The following UGT1A5 variants were observed in gnomAD, a reference collection of about 807,000 sequenced individuals.
UGT1A5 encodes the protein UDP-glucuronosyltransferase 1A5.
In UGT1A5, 29 loss-of-function variants were observed where a neutral mutation model predicts 40.3. The ratio of observed to expected loss-of-function variants is 0.72; its 90% CI spans 0.54 to 0.98. The LOEUF is 0.98. Ranked by LOEUF, UGT1A5 falls within the 50% of genes least tolerant of loss-of-function variation. UGT1A5 has a pLI of 0.00. For synonymous variants in UGT1A5, 257 were observed against 262.5 expected (o/e 0.98, Z 0.20); for missense variants, 678 against 677.9 (o/e 1.00, Z 0.00).
chr2:233,735,745 A>T lies in UGT1A5; in HGVS notation c.867+21887A>T, dbSNP rs1416726513. Among the ~76,000 whole-genome samples, 5 of 152,186 alleles carry T rather than the reference A, an allele frequency of 3.3e-5. No individual in the cohort carries two copies. The East Asian group carries it at 9.6e-4, about 29-fold the overall frequency. ...CTCAGCATTTGCTTGTCTATAAAGG[A>T]TTTTATTTCTCCTTCACTTATGAAG... On this transcript the variant is annotated intron_variant, in intron 1 of 4. Coordinates refer to ENST00000373414, the MANE Select transcript of UGT1A5 (RefSeq NM_019078.2).
chr2:233,755,882 G>A (rs1696054394), intron 1 of UGT1A5: 2 of 152,208 alleles, frequency 1.3e-5, no homozygotes, highest in Non-Finnish European at 2.9e-5. Context: ...ACCTTTTTAT[G>A]TAACTTTTTT....
intron 1 of UGT1A5, chr2:233,719,069 A>G (rs774814247): frequency 7.4e-6 from 12 of 1,614,284 alleles, no homozygotes; most frequent in South Asian, 1.1e-5. Flanking sequence ...ATGCTGTTCC[A>G]TGGACCCAGA....
intron 1 of UGT1A5, among the ~76,000 whole-genome samples, chr2:233,759,591 C>G (rs984696431): frequency 2.0e-5 from 3 of 147,100 alleles, no homozygotes; most frequent in East Asian, 2.0e-4. Flanking sequence ...GCACGCCCCC[C>G]ACCCCCGACC....
chr2:233,760,469 C>A (rs1273237448), intron 1 of UGT1A5: 1 of 1,614,210 alleles, frequency 6.2e-7, no homozygotes, highest in South Asian at 1.1e-5. Context: ...GTTGTCCTAG[C>A]ACCTGACGCC....
In UGT1A5 at chr2:233,772,467, T is replaced by G; in HGVS notation, c.1513T>G (p.Phe505Val). The G allele has an allele frequency of 6.8e-6, 11 of 1,614,156 alleles. No individual in the cohort carries two copies. The highest frequency in any genetic ancestry group is 9.3e-6 in the Non-Finnish European group (11 of 1,180,034). Residue 505 changes from phenylalanine (F) to valine (V), a missense_variant, in exon 5 of 5, where the codon TTC becomes GTC. Coordinates refer to ENST00000373414, the MANE Select transcript of UGT1A5 (RefSeq NM_019078.2). Reference sequence around the variant, plus strand: ...CTTGGCCGTCGTGCTGACAGTGGCCTTCATCACCTTTAAATGTTGTGCTTA... The same window carrying G: ...CTTGGCCGTCGTGCTGACAGTGGCCGTCATCACCTTTAAATGTTGTGCTTA... ...FLLAVVLTVA[F>V]ITFKCCAYGY...
Position 233,713,303 on chromosome 2 carries a change from A to T in UGT1A5, c.312A>T (p.Glu104Asp), listed in dbSNP as rs1470676063. The change falls in exon 1 of 5, where the codon GAA becomes GAT. Residue 104 changes from glutamate to aspartate, a missense_variant. Coordinates refer to ENST00000373414, the MANE Select transcript of UGT1A5 (RefSeq NM_019078.2). The stretch of plus-strand genomic sequence containing the variant: ...ACACTCAATCGTTCTTTGAAACAGA[A>T]CATCTTCTGATGAAATTTTCTAGAA... ...LGHTQSFFET[E>D]HLLMKFSRRM... is the part of the protein sequence containing the mutation. The T allele has an allele frequency of 6.2e-7, 1 of 1,614,224 alleles. No homozygotes were observed. The highest frequency in any genetic ancestry group is 1.1e-5 in the South Asian group (1 of 91,080).
chr2:233,745,571 G>A (rs1471928952), intron 1 of UGT1A5, among the ~76,000 whole-genome samples: 1 of 151,668 alleles, frequency 6.6e-6, no homozygotes, highest in African/African-American at 2.4e-5. Flanking sequence ...ATAGCCTCTA[G>A]TGACATAACC....
intron 1 of UGT1A5, among the ~76,000 whole-genome samples, chr2:233,752,750 C>CAA (rs1695052572): frequency 6.6e-6 from 1 of 151,980 alleles, no homozygotes; most frequent in Non-Finnish European, 1.5e-5. Context: ...GTCTCTAAAA[C>CAA]AAACAAACAA....
chr2:233,717,209 C>T (rs555628633), intron 1 of UGT1A5, among the ~76,000 whole-genome samples: 6 of 152,284 alleles, frequency 3.9e-5, no homozygotes, highest in South Asian at 4.2e-4. Flanking sequence ...ACCCTCACCC[C>T]GGGCTCATCA....
chr2:233,748,611 A>G (rs1693987516), intron 1 of UGT1A5, among the ~76,000 whole-genome samples: 1 of 151,804 alleles, frequency 6.6e-6, no homozygotes, highest in Non-Finnish European at 1.5e-5. Context: ...AGAGCAACGA[A>G]CGTGGGATAT....
intron 1 of UGT1A5, chr2:233,721,930 C>A: frequency 2.6e-6 from 1 of 377,680 alleles, no homozygotes; most frequent in Non-Finnish European, 5.3e-6. Context: ...AAGTGACATC[C>A]TTCAGACACT....
At chr2:233,765,664 CA>C (rs970582402) in intron 1 of UGT1A5, among the ~76,000 whole-genome samples, 2 of 151,540 alleles carry the variant, frequency 1.3e-5, no homozygotes, top group African/African-American at 4.9e-5. Context: ...AGCAAACCAC[CA>C]TGGCATATGT....
rs536544989 is a variant in UGT1A5 at position 233,747,339 on chromosome 2, C to T, written c.868-19695C>T. 4.1e-5 allele frequency: 65 copies of T among 1,603,348 alleles called. 1 individual carries two copies. The highest frequency in any genetic ancestry group is 5.4e-5 in the African/African-American group (4 of 74,450). ...TACCCATTGATGGCAGCCACTGGCT[C>T]GCATGCGGGAGGCCGTGCGGGAGCT... On this transcript the variant is annotated intron_variant, in intron 1 of 4. Transcript: ENST00000373414.
At chr2:233,735,317 G>A (rs1343074609) in intron 1 of UGT1A5, among the ~76,000 whole-genome samples, 2 of 152,024 alleles carry the variant, frequency 1.3e-5, no homozygotes, top group African/African-American at 2.4e-5. Flanking sequence ...TTTTATCAGA[G>A]ACTAGGATTG....
Position 233,747,808 on chromosome 2 carries a change from C to T in UGT1A5, c.868-19226C>T, listed in dbSNP as rs1432471540. On this transcript the variant is annotated intron_variant, in intron 1 of 4. Coordinates refer to ENST00000373414, the MANE Select transcript of UGT1A5 (RefSeq NM_019078.2). ...TCCTCCTATATTCCTAAGTTACTAA[C>T]GACCAATTCAGACCACATGACATTC... 6.0e-5 allele frequency: 96 copies of T among 1,613,386 alleles called. No individual in the cohort carries two copies. In the South Asian group the frequency reaches 8.3e-4, roughly 14 times the overall value.
chr2:233,743,876 G>A (rs1382161508), intron 1 of UGT1A5: 2 of 1,367,016 alleles, frequency 1.5e-6, no homozygotes. Flanking sequence ...CTCGGATGAG[G>A]CCTGCCGGGG....
rs3064744 is a variant in UGT1A5, at chr2:233,760,233, C to CATAT, written c.868-6789_868-6786dup. ...ACTTGGTGTATCGATTGGTTTTTGCCATATATATATATATAAGTAGGAGAG... is the reference window on the plus strand; with the variant it reads ...ACTTGGTGTATCGATTGGTTTTTGCCATATATATATATATATATAAGTAGGAGAG... On this transcript the variant is annotated intron_variant, in intron 1 of 4. Coordinates refer to ENST00000373414, the MANE Select transcript of UGT1A5 (RefSeq NM_019078.2). 3.8e-3 allele frequency: 5,602 copies of CATAT among 1,482,566 alleles called. 51 individuals are homozygous for CATAT. The African/African-American group carries it at 0.05, about 13-fold the overall frequency. The allele number at this position is 1,482,566 out of a possible 1,614,324, so 91.8% of individuals were successfully genotyped here.
intron 1 of UGT1A5, chr2:233,740,861 T>A (rs1691490325): frequency 6.6e-6 from 1 of 151,862 alleles, no homozygotes; most frequent in Admixed American, 6.5e-5. Flanking sequence ...TTCTAAAAAT[T>A]CTTTAAATAA....
chr2:233,747,678 C>T, intron 1 of UGT1A5: 3 of 1,607,090 alleles, frequency 1.9e-6, no homozygotes, highest in Admixed American at 1.7e-5. Context: ...CCCAATTTAC[C>T]TCTGTGGGGC....
Sources: allele counts gnomAD v4.1 joint callset (sites outside exome capture counted in the v4.1 genomes callset), GRCh38; gene constraint gnomAD v4.1.1; transcripts MANE v1.5; gene names NCBI Gene and HGNC (gene_info 2026-07-23, HGNC 2026-07-21).